SPEF2: variants seen among roughly 807,000 people sequenced by gnomAD.
The protein encoded by SPEF2 is sperm flagellar and cilia associated 2, also known as sperm flagella and cilia-associated protein 2.
In SPEF2, 187 loss-of-function variants were observed where a neutral mutation model predicts 224.6. The ratio of observed to expected loss-of-function variants is 0.83; its 90% confidence interval spans 0.74 to 0.94. The LOEUF (loss-of-function observed/expected upper bound fraction) is 0.94. Among genes scored for constraint, SPEF2 ranks in the 40% least tolerant of loss-of-function variants. The pLI is 0.00. For missense variants in SPEF2, 2,170 were observed against 2,135.6 expected, an observed-to-expected ratio of 1.02 and a Z score of -0.32; for synonymous variants, 715 against 707.3, an observed-to-expected ratio of 1.01 and a Z score of -0.17.
chr5:35,710,269 G>A, intron 19 of SPEF2: 1 of 984,096 alleles, frequency 1.0e-6, no homozygotes, highest in Non-Finnish European at 1.2e-6. Context: ...TAGAACTGGG[G>A]AAGACAGGCC....
At chr5:35,666,559 C>T (rs973759488) in intron 8 of SPEF2, among the ~76,000 whole-genome samples, 2 of 152,174 alleles carry the variant, frequency 1.3e-5, no homozygotes, top group Admixed American at 1.3e-4. Context: ...GTTATATTCT[C>T]AAGCCAGTAT....
At chr5:35,669,060 A>G (rs1750890301) in intron 9 of SPEF2, among the ~76,000 whole-genome samples, 1 of 152,066 alleles carries the variant, frequency 6.6e-6, no homozygotes, top group African/African-American at 2.4e-5. Context: ...TAGCCGTTAA[A>G]TAATAACTCC....
At chr5:35,778,044 C>A (rs2149796735) in intron 29 of SPEF2, among the ~76,000 whole-genome samples, 1 of 152,260 alleles carries the variant, frequency 6.6e-6, no homozygotes, top group South Asian at 2.1e-4. Flanking sequence ...ACAAAGACAA[C>A]ATTCTGGAGT....
rs575410266 is a variant in SPEF2 at position 35,686,858 on chromosome 5, A to G, written c.1525-4179A>G. 1.1e-4 allele frequency among the ~76,000 whole-genome samples: 17 copies of G among 152,186 alleles called. No individual in the cohort carries two copies. In the South Asian group the frequency reaches 3.3e-3, roughly 30 times the overall value. The stretch of plus-strand genomic sequence containing the variant: ...GCACTAAAATCCTTAACCTTTCATC[A>G]AATATATATGTATATACACATATAT... On this transcript the variant is annotated intron_variant, in intron 10 of 36. Transcript: ENST00000356031.
chr5:35,704,539 A>C lies in SPEF2; in HGVS notation c.2399-15A>C. 6.4e-7 allele frequency: 1 copy of C among 1,566,588 alleles called. No individual in the cohort carries two copies. The highest frequency in any genetic ancestry group is 8.7e-7 in the Non-Finnish European group (1 of 1,152,144). On this transcript the variant is annotated splice_polypyrimidine_tract_variant and intron_variant, in intron 16 of 36. Coordinates refer to ENST00000356031, the MANE Select transcript of SPEF2 (RefSeq NM_024867.4). ...GTTTTGAAAATTATCTAATTAAATA[A>C]ATTTTATACCATAGCTGAAGAATTG...
rs763382880 is a variant in SPEF2 at position 35,670,097 on chromosome 5, T to G, written c.1394T>G (p.Leu465Arg). ...AAGTTGATGCATGATTGGAAGGAAC[T>G]ATTTTTTAATGCAAAACCCATATAT... ...PYKLMHDWKE[L>R]FFNAKPIYEQ... Residue 465 changes from leucine to arginine, a missense_variant, in exon 10 of 37, where the codon CTA (leucine) becomes CGA (arginine). Physicochemically the swap from Leu to Arg is moderately radical, Grantham distance 102 (BLOSUM62 -2). Transcript: ENST00000356031. The G allele has an allele frequency of 6.2e-6, 10 of 1,609,966 alleles. No individual in the cohort carries two copies. Among genetic ancestry groups the G allele is most frequent in the Non-Finnish European group, 8.5e-6 (10 of 1,178,282 alleles).
intron 10 of SPEF2, among the ~76,000 whole-genome samples, chr5:35,686,201 A>G (rs1753592644): frequency 6.6e-6 from 1 of 152,082 alleles, no homozygotes; most frequent in Non-Finnish European, 1.5e-5. Context: ...TGAAATTTCT[A>G]ATTTTCAGTA....
Position 35,767,022 on chromosome 5 carries a change from A to T in SPEF2, c.3801+3320A>T, listed in dbSNP as rs540794288. Reference sequence around the variant, plus strand: ...ATTCATTTAAGTGTTTAGTGTACATATTGCACTTCATTGTTTATATACAAA... The same window carrying T: ...ATTCATTTAAGTGTTTAGTGTACATTTTGCACTTCATTGTTTATATACAAA... On this transcript the variant is annotated intron_variant, in intron 26 of 36. Coordinates refer to ENST00000356031, the MANE Select transcript of SPEF2 (RefSeq NM_024867.4). 1.8e-4 allele frequency among the ~76,000 whole-genome samples: 27 copies of T among 151,832 alleles called. 1 individual carries two copies. The South Asian group carries it at 5.6e-3, about 32-fold the overall frequency.
chr5:35,764,393 T>G, intron 26 of SPEF2: 1 of 352,162 alleles, frequency 2.8e-6, no homozygotes, highest in East Asian at 7.5e-5. Flanking sequence ...TAGGTCTATA[T>G]GACTTCAAAG....
intron 10 of SPEF2, among the ~76,000 whole-genome samples, chr5:35,686,453 C>T (rs73750816): frequency 0.015 from 2,257 of 151,988 alleles, 61 homozygotes; most frequent in African/African-American, 0.052. Context: ...TTTAAAGATC[C>T]TCAAGTGACT....
At chr5:35,785,868 C>A (rs1755042723) in intron 30 of SPEF2, among the ~76,000 whole-genome samples, 1 of 152,156 alleles carries the variant, frequency 6.6e-6, no homozygotes, top group East Asian at 1.9e-4. Flanking sequence ...ATGTGTCATG[C>A]AATTTCAAAA....
At chr5:35,789,102 T>C in intron 30 of SPEF2, 1 of 694,632 alleles carries the variant, frequency 1.4e-6, no homozygotes, top group Non-Finnish European at 2.6e-6. Context: ...TTGAGCTCCT[T>C]GGAATAATAA....
intron 20 of SPEF2, among the ~76,000 whole-genome samples, chr5:35,714,648 T>C (rs1742156772): frequency 6.6e-6 from 1 of 151,330 alleles, no homozygotes; most frequent in Non-Finnish European, 1.5e-5. Flanking sequence ...CAGCTTGTTT[T>C]TAGGTTAGGT....
At chr5:35,666,866 G>T (rs1750540840) in intron 8 of SPEF2, among the ~76,000 whole-genome samples, 2 of 152,268 alleles carry the variant, frequency 1.3e-5, no homozygotes, top group South Asian at 4.1e-4. Context: ...TTGTTGATAA[G>T]ATAAGCTAAG....
At chr5:35,794,812 T>C (rs1360252124) in intron 32 of SPEF2, among the ~76,000 whole-genome samples, 1 of 152,138 alleles carries the variant, frequency 6.6e-6, no homozygotes, top group East Asian at 1.9e-4. Context: ...TTAGAGAAAG[T>C]TGGATGCTGT....
At position 35,617,874 on chromosome 5, in the gene SPEF2, T is replaced by C; in HGVS notation, c.-124T>C. 1 of 935,038 alleles carries C rather than the reference T, an allele frequency of 1.1e-6. No individual in the cohort carries two copies. The highest frequency in any genetic ancestry group is 1.4e-5 in the South Asian group (1 of 69,252). 57.9% of individuals were successfully genotyped at this position (935,038 alleles called of 1,614,324 possible). On this transcript the variant is annotated 5_prime_UTR_variant, in exon 1 of 37. Transcript: ENST00000356031. ...CTCTTCTCTAAGGCCTTTCGCCTAG[T>C]TCCAGCCTGGATACGCTTCCATAGC... is the stretch of plus-strand genomic sequence containing the variant.
intron 10 of SPEF2, among the ~76,000 whole-genome samples, chr5:35,690,280 ACT>A (rs1166505860): frequency 4.6e-5 from 7 of 151,974 alleles, no homozygotes; most frequent in African/African-American, 1.7e-4. Flanking sequence ...TGCTCTGGTC[ACT>A]CTACTGATTT....
intron 2 of SPEF2, among the ~76,000 whole-genome samples, chr5:35,640,778 C>A (rs184381194): frequency 7.2e-5 from 11 of 152,236 alleles, no homozygotes; most frequent in Non-Finnish European, 1.0e-4. Flanking sequence ...GGAAACAGGA[C>A]AGTAAGTTAC....
chr5:35,760,839 G>C (rs192630716), intron 25 of SPEF2, among the ~76,000 whole-genome samples: 2 of 151,852 alleles, frequency 1.3e-5, no homozygotes, highest in African/African-American at 4.8e-5. Flanking sequence ...CTAAAAGTAA[G>C]AATTAAAATA....
Sources: allele counts gnomAD v4.1 joint callset (sites outside exome capture counted in the v4.1 genomes callset), GRCh38; gene constraint gnomAD v4.1.1; transcripts MANE v1.5; gene names NCBI Gene and HGNC (gene_info 2026-07-23, HGNC 2026-07-21).